The following MYZAP variants were observed in gnomAD, a reference collection of about 807,000 sequenced individuals.
MYZAP encodes GRINL1A complex locus upstream.
In MYZAP, 66 loss-of-function variants were observed where a neutral mutation model predicts 69.4. That is an observed-to-expected ratio of 0.95 (90% CI 0.78 to 1.17). The LOEUF (loss-of-function observed/expected upper bound fraction) is 1.17. Ranked by LOEUF, MYZAP falls within the 50% of genes most tolerant of loss-of-function variation. The pLI is 0.00. For missense variants in MYZAP, 611 were observed against 556.2 expected (o/e 1.10, Z -0.99); for synonymous variants, 256 against 205.9 (o/e 1.24, Z -2.09).
chr15:57,677,300 A>G (rs2039191739), intron 12 of MYZAP, among the ~76,000 whole-genome samples: 1 of 152,212 alleles, frequency 6.6e-6, no homozygotes, highest in Non-Finnish European at 1.5e-5. Context: ...TCCAAGTAAG[A>G]TTCTGTTTGA....
rs181402365 is a variant in MYZAP at position 57,600,792 on chromosome 15, A to G, written c.76-3477A>G. 2.7e-4 allele frequency among the ~76,000 whole-genome samples: 41 copies of G among 152,284 alleles called. 1 individual carries two copies. The highest frequency in any genetic ancestry group is 9.1e-4 in the African/African-American group (38 of 41,554). ...GATGATAATATCTAGATAATAGTAA[A>G]AATATCTGGCTGGGTGCAGTGGCTC... is the stretch of plus-strand genomic sequence containing the variant. On this transcript the variant is annotated intron_variant, in intron 1 of 12. Coordinates refer to ENST00000267853, the MANE Select transcript of MYZAP (RefSeq NM_001018100.5).
At chr15:57,613,746 T>C (rs796214439) in intron 2 of MYZAP, among the ~76,000 whole-genome samples, 8 of 152,140 alleles carry the variant, frequency 5.3e-5, no homozygotes, top group African/African-American at 1.2e-4. Context: ...TAATGAGTCA[T>C]TGATCCTCTC....
intron 10 of MYZAP, among the ~76,000 whole-genome samples, chr15:57,657,258 T>G (rs1319914744): frequency 2.0e-5 from 3 of 152,246 alleles, no homozygotes; most frequent in Non-Finnish European, 4.4e-5. Flanking sequence ...CTGACTTTCT[T>G]GGAAGCTTTT....
intron 7 of MYZAP, 151 bp downstream of exon 7, chr15:57,632,710 A>C (rs1595890190): frequency 4.7e-6 from 6 of 1,271,846 alleles, no homozygotes; most frequent in South Asian, 3.3e-5. Flanking sequence ...CTGCTCATTC[A>C]CTCCCCTCCC....
chr15:57,621,674 A>G lies in MYZAP; in HGVS notation c.385A>G (p.Ile129Val), dbSNP rs1164489235. 3 of 1,613,978 alleles carry G rather than the reference A, an allele frequency of 1.9e-6. No homozygotes were observed. Among genetic ancestry groups the G allele is most frequent in the Non-Finnish European group, 1.7e-6 (2 of 1,179,896 alleles). The change falls in exon 4 of 13, where the codon ATT becomes GTT. Residue 129 changes from isoleucine to valine, a missense_variant. By Grantham distance (29) the Ile-to-Val change is conservative. Coordinates refer to ENST00000267853, the MANE Select transcript of MYZAP (RefSeq NM_001018100.5). ...AGACTATGATGAGATGAGACAGAAG[A>G]TTCGACAGCTCACCCAGGAACTATC... ...YGDYDEMRQK[I>V]RQLTQELSVS... is the part of the protein sequence containing the mutation.
intron 11 of MYZAP, among the ~76,000 whole-genome samples, chr15:57,665,784 T>C (rs1002601002): frequency 2.6e-5 from 4 of 152,170 alleles, no homozygotes; most frequent in African/African-American, 9.7e-5. Flanking sequence ...ACCACAGAAA[T>C]TGACATATGT....
chr15:57,647,837 G>A, intron 10 of MYZAP: 8 of 985,386 alleles, frequency 8.1e-6, no homozygotes, highest in Non-Finnish European at 9.6e-6. Context: ...TGCCTTTGCT[G>A]ATGCCCCTCA....
intron 2 of MYZAP, among the ~76,000 whole-genome samples, chr15:57,611,778 G>C (rs2035120160): frequency 6.6e-6 from 1 of 152,010 alleles, no homozygotes; most frequent in African/African-American, 2.4e-5. Context: ...ATCCAGGCTG[G>C]AAAGCAGTGG....
intron 7 of MYZAP, among the ~76,000 whole-genome samples, chr15:57,632,791 C>A (rs967307244): frequency 1.3e-5 from 2 of 152,180 alleles, no homozygotes; most frequent in Admixed American, 1.3e-4. Flanking sequence ...TCTAAATACA[C>A]ACCTTTTTCT....
In MYZAP at chr15:57,684,737, A is replaced by G. The variant is rs1567247981; in HGVS notation, c.*239A>G. 2.8e-6 allele frequency: 1 copy of G among 352,230 alleles called. No individual in the cohort carries two copies. Among genetic ancestry groups the G allele is most frequent in the Non-Finnish European group, 5.1e-6 (1 of 196,610 alleles). 21.8% of individuals were successfully genotyped at this position (352,230 alleles called of 1,614,324 possible). A position where few individuals can be genotyped will look rare whatever the true frequency, so the allele number is the denominator to read the frequency against. On this transcript the variant is annotated 3_prime_UTR_variant, in exon 13 of 13. Coordinates refer to ENST00000267853, the MANE Select transcript of MYZAP (RefSeq NM_001018100.5). Reference sequence around the variant, plus strand: ...CACTCGGCATACCCTGCCGTACTGCATCATCATTTGTTTTCTTTGTAGACA... The same window carrying G: ...CACTCGGCATACCCTGCCGTACTGCGTCATCATTTGTTTTCTTTGTAGACA...
intron 9 of MYZAP, 65 bp downstream of exon 9, chr15:57,637,839 C>T: frequency 6.8e-7 from 1 of 1,463,322 alleles, no homozygotes; most frequent in Non-Finnish European, 9.4e-7. Context: ...TTTTTATGAC[C>T]TCATTTGACC....
intron 10 of MYZAP, chr15:57,645,988 C>T: frequency 2.9e-6 from 1 of 350,274 alleles, no homozygotes; most frequent in Non-Finnish European, 5.6e-6. Context: ...CTGAAATGTG[C>T]AACACACGAA....
intron 9 of MYZAP, among the ~76,000 whole-genome samples, chr15:57,639,048 T>C (rs1435232918): frequency 1.3e-5 from 2 of 152,208 alleles, no homozygotes; most frequent in East Asian, 3.9e-4. Flanking sequence ...TGTGGTAGTT[T>C]GTTAGTAATC....
chr15:57,659,428 C>G (rs2038167904), intron 10 of MYZAP, among the ~76,000 whole-genome samples: 1 of 152,134 alleles, frequency 6.6e-6, no homozygotes, highest in South Asian at 2.1e-4. Context: ...TGAATTCATA[C>G]TGATATTGTC....
chr15:57,669,823 T>G (rs2038783393), intron 11 of MYZAP, among the ~76,000 whole-genome samples: 3 of 152,168 alleles, frequency 2.0e-5, no homozygotes, highest in Admixed American at 2.0e-4. Flanking sequence ...CTCACAAGCT[T>G]TGATATACTT....
intron 8 of MYZAP, among the ~76,000 whole-genome samples, chr15:57,634,047 C>T (rs573153888): frequency 6.6e-6 from 1 of 152,104 alleles, no homozygotes; most frequent in East Asian, 1.9e-4. Context: ...ATTATCAAGC[C>T]CTATTTAGGT....
Position 57,637,803 on chromosome 15 carries a change from T to A in MYZAP, c.1013+29T>A. The A allele has an allele frequency of 3.1e-6, 5 of 1,587,482 alleles. No homozygotes were observed. The South Asian group carries it at 3.4e-5, about 11-fold the overall frequency. ...AGACGTAATGCCTTTCGTCTTGTAA[T>A]GGATTTAGGTTGTGGACACGCTGTG... On this transcript the variant is annotated intron_variant, in intron 9 of 12. Coordinates refer to ENST00000267853, the MANE Select transcript of MYZAP (RefSeq NM_001018100.5).
intron 3 of MYZAP, among the ~76,000 whole-genome samples, chr15:57,619,530 G>A (rs2934435): frequency 0.47 from 71,301 of 151,660 alleles, 17,303 homozygotes; most frequent in African/African-American, 0.57. Context: ...GGTGCGCACC[G>A]CTACACCCAG....
At chr15:57,670,564 G>A (rs2038821555) in intron 11 of MYZAP, among the ~76,000 whole-genome samples, 1 of 151,956 alleles carries the variant, frequency 6.6e-6, no homozygotes, top group Non-Finnish European at 1.5e-5. Flanking sequence ...ATTGGAGTAT[G>A]TAGTTTACTA....
Sources: gnomAD v4.1 joint callset for allele counts (sites outside exome capture counted in the v4.1 genomes callset) on GRCh38, gnomAD v4.1.1 for gene constraint, MANE v1.5 for transcripts, NCBI Gene and HGNC (gene_info 2026-07-23, HGNC 2026-07-21) for gene names.